Variants in SGCZ observed in about 807,000 individuals in gnomAD.
The protein encoded by SGCZ is zeta-sarcoglycan.
A neutral mutation model predicts 41.3 loss-of-function variants in SGCZ; 40 were observed. The ratio of observed to expected loss-of-function variants is 0.97; its 90% CI spans 0.75 to 1.26. SGCZ has a LOEUF of 1.26. Among genes scored for constraint, SGCZ ranks in the 50% most tolerant of loss-of-function variants. The pLI, the probability that SGCZ is intolerant of heterozygous loss-of-function variation, is 0.00. For missense variants in SGCZ, 552 were observed against 369.8 expected, an observed-to-expected ratio of 1.49 and a Z score of -4.04; for synonymous variants, 206 against 137.5, an observed-to-expected ratio of 1.50 and a Z score of -3.49.
At chr8:14,478,663 A>G (rs1195073307) in intron 2 of SGCZ, among the ~76,000 whole-genome samples, 1 of 151,930 alleles carries the variant, frequency 6.6e-6, no homozygotes, top group African/African-American at 2.4e-5. Context: ...AGAGTAACTA[A>G]GAGGGAATCT....
intron 1 of SGCZ, among the ~76,000 whole-genome samples, chr8:14,822,303 G>GA (rs1162172398): frequency 1.3e-5 from 2 of 152,078 alleles, no homozygotes; most frequent in African/African-American, 2.4e-5. Context: ...TGTGTACATT[G>GA]AAAACTGTAA....
chr8:14,091,061 C>T (rs1801674910), intron 7 of SGCZ, among the ~76,000 whole-genome samples: 1 of 151,944 alleles, frequency 6.6e-6, no homozygotes, highest in Non-Finnish European at 1.5e-5. Flanking sequence ...TGTTCCCCTC[C>T]CACTTACAAG....
intron 1 of SGCZ, among the ~76,000 whole-genome samples, chr8:14,710,462 C>T (rs1809481283): frequency 6.6e-6 from 1 of 150,482 alleles, no homozygotes; most frequent in Non-Finnish European, 1.5e-5. Context: ...CTTATATTTT[C>T]AGAAGTTCTT....
chr8:14,631,262 A>T (rs1510436), intron 1 of SGCZ, among the ~76,000 whole-genome samples: 49,924 of 150,106 alleles, frequency 0.33, 8,577 homozygotes, highest in East Asian at 0.63. Context: ...AAAGGTAGTG[A>T]TAATACAGAA....
chr8:14,694,613 G>A (rs1342356917), intron 1 of SGCZ, among the ~76,000 whole-genome samples: 1 of 152,056 alleles, frequency 6.6e-6, no homozygotes, highest in Non-Finnish European at 1.5e-5. Flanking sequence ...TGGGAAAAAA[G>A]GACTGTGCCT....
intron 3 of SGCZ, among the ~76,000 whole-genome samples, chr8:14,321,034 T>C (rs1801900788): frequency 6.6e-6 from 1 of 152,068 alleles, no homozygotes; most frequent in Non-Finnish European, 1.5e-5. Flanking sequence ...ATTCCCGATA[T>C]TTGAAATGTT....
chr8:14,468,539 T>C (rs1465625156), intron 2 of SGCZ, among the ~76,000 whole-genome samples: 2 of 152,076 alleles, frequency 1.3e-5, no homozygotes, highest in African/African-American at 2.4e-5. Context: ...AGAGCAAAGG[T>C]GGTGCCTCAT....
At chr8:14,960,714 T>C (rs1800935838) in intron 1 of SGCZ, among the ~76,000 whole-genome samples, 1 of 152,094 alleles carries the variant, frequency 6.6e-6, no homozygotes, top group Non-Finnish European at 1.5e-5. Flanking sequence ...GTACCACTTC[T>C]GAGCTGTGAA....
intron 1 of SGCZ, among the ~76,000 whole-genome samples, chr8:14,994,362 T>A (rs987226088): frequency 2.0e-5 from 3 of 152,092 alleles, no homozygotes; most frequent in Non-Finnish European, 4.4e-5. Flanking sequence ...GGCGGGCAGA[T>A]TGCCTGAGCT....
intron 1 of SGCZ, among the ~76,000 whole-genome samples, chr8:15,136,170 AGCCCCACCTC>A (rs1486577641): frequency 2.0e-5 from 3 of 152,080 alleles, no homozygotes; most frequent in Non-Finnish European, 4.4e-5. Flanking sequence ...TCTGGAGTCA[AGCCCCACCTC>A]CTGAGTAGAG....
chr8:15,237,435 C>A, intron 1 of SGCZ, 150 bp downstream of exon 1: 1 of 921,038 alleles, frequency 1.1e-6, no homozygotes, highest in Non-Finnish European at 1.6e-6. Context: ...AGCAGGGGCG[C>A]CTGCGCCCGG....
intron 1 of SGCZ, among the ~76,000 whole-genome samples, chr8:14,581,996 G>C (rs1431187149): frequency 6.6e-6 from 1 of 152,060 alleles, no homozygotes; most frequent in Non-Finnish European, 1.5e-5. Context: ...TGCTACTGCT[G>C]AGAAAGAAAG....
At chr8:14,735,485 C>T (rs569734864) in intron 1 of SGCZ, among the ~76,000 whole-genome samples, 3 of 152,158 alleles carry the variant, frequency 2.0e-5, no homozygotes, top group African/African-American at 7.2e-5. Context: ...CAGGTTTCCA[C>T]CCTTTGGAGT....
At chr8:14,849,742 T>C (rs981844141) in intron 1 of SGCZ, among the ~76,000 whole-genome samples, 6 of 152,108 alleles carry the variant, frequency 3.9e-5, no homozygotes, top group Non-Finnish European at 5.9e-5. Context: ...AATGAATGTA[T>C]ACTTATGTCA....
chr8:14,428,598 T>A (rs555144120), intron 2 of SGCZ, among the ~76,000 whole-genome samples: 5 of 152,212 alleles, frequency 3.3e-5, no homozygotes, highest in Admixed American at 6.5e-5. Flanking sequence ...TCCGTGAAAG[T>A]TTACTTTGAA....
At chr8:14,980,187 T>C (rs1801614819) in intron 1 of SGCZ, among the ~76,000 whole-genome samples, 1 of 152,118 alleles carries the variant, frequency 6.6e-6, no homozygotes. Flanking sequence ...AAGGAAACGA[T>C]CACTAGCTTA....
chr8:14,539,954 T>C (rs968829558), intron 2 of SGCZ, among the ~76,000 whole-genome samples: 1 of 151,874 alleles, frequency 6.6e-6, no homozygotes, highest in Non-Finnish European at 1.5e-5. Flanking sequence ...AGGAAGAACA[T>C]GTACAGTGAA....
chr8:14,471,686 C>A (rs1363015632), intron 2 of SGCZ, among the ~76,000 whole-genome samples: 1 of 151,992 alleles, frequency 6.6e-6, no homozygotes, highest in Non-Finnish European at 1.5e-5. Flanking sequence ...TTAATATTTA[C>A]TAAATATTAT....
chr8:14,447,886 T>C (rs994225360), intron 2 of SGCZ, among the ~76,000 whole-genome samples: 7 of 152,152 alleles, frequency 4.6e-5, no homozygotes, highest in Non-Finnish European at 1.0e-4. Flanking sequence ...CAAAATCACA[T>C]TATGAAATGC....
Sources: gnomAD v4.1 joint callset for allele counts (sites outside exome capture counted in the v4.1 genomes callset) on GRCh38, gnomAD v4.1.1 for gene constraint, MANE v1.5 for transcripts, NCBI Gene and HGNC (gene_info 2026-07-23, HGNC 2026-07-21) for gene names.